RYK: variants seen among roughly 807,000 people sequenced by gnomAD.
RYK encodes the protein receptor like tyrosine kinase.
A neutral mutation model predicts 70.2 loss-of-function variants in RYK; 21 were observed. The observed-to-expected ratio is 0.30, with a 90% CI of 0.21 to 0.43. The LOEUF (loss-of-function observed/expected upper bound fraction) is 0.43. RYK is among the 20% of genes least tolerant of loss of function. The pLI is 1.00. For missense variants in RYK, 604 were observed against 753.3 expected (o/e 0.80, Z 2.32); for synonymous variants, 267 against 278.0 (o/e 0.96, Z 0.39).
intron 6 of RYK, chr3:134,202,452 T>C: frequency 3.0e-6 from 1 of 329,264 alleles, no homozygotes; most frequent in Non-Finnish European, 5.5e-6. Flanking sequence ...GGCAATGGTC[T>C]GAGGTAGAGT....
intron 1 of RYK, among the ~76,000 whole-genome samples, chr3:134,245,433 C>T (rs150355852): frequency 6.6e-6 from 1 of 151,788 alleles, no homozygotes; most frequent in East Asian, 1.9e-4. Flanking sequence ...GGAAAGACAA[C>T]ATGCTTTTTT....
At chr3:134,241,592 A>C (rs1265744746) in intron 1 of RYK, among the ~76,000 whole-genome samples, 1 of 152,166 alleles carries the variant, frequency 6.6e-6, no homozygotes, top group Non-Finnish European at 1.5e-5. Context: ...TCAAAACGTT[A>C]ATTTACCTGA....
At chr3:134,160,136 G>A (rs2012407514) in intron 13 of RYK, among the ~76,000 whole-genome samples, 2 of 152,170 alleles carry the variant, frequency 1.3e-5, no homozygotes, top group Non-Finnish European at 2.9e-5. Flanking sequence ...ACTGAACTTG[G>A]ATGAGGAGGG....
chr3:134,201,037 G>A (rs896212275), intron 6 of RYK, among the ~76,000 whole-genome samples: 6 of 152,292 alleles, frequency 3.9e-5, no homozygotes, highest in South Asian at 2.1e-4. Flanking sequence ...CAAGGAAAAC[G>A]CAACTCTCTG....
intron 1 of RYK, among the ~76,000 whole-genome samples, chr3:134,229,723 T>G (rs1376476480): frequency 6.6e-6 from 1 of 152,084 alleles, no homozygotes; most frequent in Non-Finnish European, 1.5e-5. Context: ...AACCAAAAAT[T>G]TTTTAACCAA....
At chr3:134,195,903 G>A (rs951470820) in intron 6 of RYK, among the ~76,000 whole-genome samples, 7 of 151,468 alleles carry the variant, frequency 4.6e-5, no homozygotes, top group Admixed American at 6.6e-5. Context: ...TCAAGATTAC[G>A]CCACTGCACT....
At chr3:134,243,496 A>T (rs1415122522) in intron 1 of RYK, among the ~76,000 whole-genome samples, 1 of 152,184 alleles carries the variant, frequency 6.6e-6, no homozygotes, top group African/African-American at 2.4e-5. Flanking sequence ...CAGCTCACTG[A>T]AGAATTCACC....
At chr3:134,214,856 T>A (rs1326829220) in intron 2 of RYK, among the ~76,000 whole-genome samples, 2 of 152,188 alleles carry the variant, frequency 1.3e-5, no homozygotes, top group African/African-American at 4.8e-5. Flanking sequence ...TATTAGAGCA[T>A]CTATTCTTTT....
At chr3:134,185,159 A>C (rs1402576114) in intron 9 of RYK, among the ~76,000 whole-genome samples, 3 of 151,980 alleles carry the variant, frequency 2.0e-5, no homozygotes, top group Non-Finnish European at 4.4e-5. Flanking sequence ...ATTAAATAAT[A>C]ATTTATAAAG....
At chr3:134,169,680 C>T (rs2012825292) in intron 13 of RYK, among the ~76,000 whole-genome samples, 1 of 152,094 alleles carries the variant, frequency 6.6e-6, no homozygotes, top group African/African-American at 2.4e-5. Flanking sequence ...TGATGGAAAA[C>T]ATCAATGTAT....
At chr3:134,168,958 G>C (rs1320803935) in intron 13 of RYK, among the ~76,000 whole-genome samples, 1 of 152,114 alleles carries the variant, frequency 6.6e-6, no homozygotes, top group Non-Finnish European at 1.5e-5. Flanking sequence ...GGAGTTAAAA[G>C]AGTCATACGT....
At chr3:134,182,142 G>A (rs193099653) in intron 10 of RYK, among the ~76,000 whole-genome samples, 64 of 148,224 alleles carry the variant, frequency 4.3e-4, no homozygotes, top group African/African-American at 1.2e-3. Context: ...GTGACAGAGC[G>A]AGACTCTGTC....
At chr3:134,209,122 C>T (rs1479235509) in intron 4 of RYK, among the ~76,000 whole-genome samples, 4 of 152,084 alleles carry the variant, frequency 2.6e-5, no homozygotes, top group African/African-American at 9.7e-5. Context: ...TAATTCAAAA[C>T]CAAAAAGAAC....
At chr3:134,162,132 C>T (rs897701127) in intron 13 of RYK, among the ~76,000 whole-genome samples, 6 of 152,038 alleles carry the variant, frequency 3.9e-5, no homozygotes, top group Non-Finnish European at 7.4e-5. Context: ...TGGATTAGAG[C>T]TCATACTCAT....
Position 134,195,077 on chromosome 3 carries a change from C to A in RYK, c.889+5G>T. On this transcript the variant is annotated splice_donor_5th_base_variant and intron_variant, in intron 7 of 14. Coordinates refer to ENST00000623711, the MANE Select transcript of RYK (RefSeq NM_002958.4). ...AACTGGCTTTAGAATTAAATTAACT[C>A]TTACTGGTGATAGGAGTTGCATTGT... 1 of 1,600,736 alleles carries A rather than the reference C, an allele frequency of 6.2e-7. No homozygotes were observed. Among genetic ancestry groups the A allele is most frequent in the South Asian group, 1.1e-5 (1 of 90,760 alleles).
intron 13 of RYK, among the ~76,000 whole-genome samples, chr3:134,172,384 C>T (rs1346706959): frequency 6.6e-6 from 1 of 152,198 alleles, no homozygotes; most frequent in Non-Finnish European, 1.5e-5. Flanking sequence ...AAAGCCAAAC[C>T]AATTCCTCCT....
intron 9 of RYK, among the ~76,000 whole-genome samples, chr3:134,184,645 G>A (rs1385947065): frequency 6.6e-6 from 1 of 151,898 alleles, no homozygotes; most frequent in South Asian, 2.1e-4. Flanking sequence ...CACACTAGCA[G>A]TCCCAGCCAC....
In RYK at chr3:134,178,629, A is replaced by AT. The variant is rs1210832373; in HGVS notation, c.1173-557dup. 1.5e-3 allele frequency: 10 copies of AT among 6,826 alleles called. No homozygotes were observed. The Non-Finnish European group carries it at 0.046, about 31-fold the overall frequency. 0.4% of individuals were successfully genotyped at this position (6,826 alleles called of 1,614,324 possible). On this transcript the variant is annotated intron_variant, in intron 10 of 14. Coordinates refer to ENST00000623711, the MANE Select transcript of RYK (RefSeq NM_002958.4). ...TTTACCAATTACTATCAGAGTGACCATCTTCTCTTGGCTTTGGTTTCCATT... is the reference window on the plus strand; with the variant it reads ...TTTACCAATTACTATCAGAGTGACCATTCTTCTCTTGGCTTTGGTTTCCATT...
intron 13 of RYK, among the ~76,000 whole-genome samples, chr3:134,165,264 T>C (rs1237335612): frequency 6.6e-6 from 1 of 152,246 alleles, no homozygotes; most frequent in Non-Finnish European, 1.5e-5. Context: ...TTAGTTTTAG[T>C]AGCTTTTTTG....
Sources: gnomAD v4.1 joint callset for allele counts (sites outside exome capture counted in the v4.1 genomes callset) on GRCh38, gnomAD v4.1.1 for gene constraint, MANE v1.5 for transcripts, NCBI Gene and HGNC (gene_info 2026-07-23, HGNC 2026-07-21) for gene names.